UBE2L3: variants seen among roughly 807,000 people sequenced by gnomAD.
The protein encoded by UBE2L3 is ubiquitin-conjugating enzyme E2 L3.
In UBE2L3, 1 loss-of-function variant was observed where a neutral mutation model predicts 17.8. The observed-to-expected ratio is 0.06, with a 90% CI of 0.02 to 0.27. UBE2L3 has a LOEUF of 0.27. Among genes scored for constraint, UBE2L3 ranks in the 10% least tolerant of loss-of-function variants. The pLI is 1.00. For synonymous variants in UBE2L3, 44 were observed against 68.5 expected (o/e 0.64, Z 1.76); for missense variants, 40 against 192.6 (o/e 0.21, Z 4.69).
chr22:21,613,884 A>G (rs1929634545), intron 3 of UBE2L3, among the ~76,000 whole-genome samples: 1 of 152,218 alleles, frequency 6.6e-6, no homozygotes, highest in South Asian at 2.1e-4. Flanking sequence ...GGACCCCTTC[A>G]TAGCATGGTG....
At chr22:21,572,287 T>C (rs1173011147) in intron 1 of UBE2L3, among the ~76,000 whole-genome samples, 2 of 151,744 alleles carry the variant, frequency 1.3e-5, no homozygotes, top group East Asian at 1.9e-4. Context: ...TCCAAAAAAT[T>C]AGCTGGGCGT....
At chr22:21,557,015 T>C (rs4820077) in intron 1 of UBE2L3, among the ~76,000 whole-genome samples, 1 of 152,246 alleles carries the variant, frequency 6.6e-6, no homozygotes, top group Middle Eastern at 3.4e-3. Context: ...GATCACGCCA[T>C]TGCACTCCAG....
At chr22:21,573,992 G>T (rs776078362) in intron 1 of UBE2L3, among the ~76,000 whole-genome samples, 2 of 152,186 alleles carry the variant, frequency 1.3e-5, no homozygotes, top group African/African-American at 4.8e-5. Flanking sequence ...TTAAGGACAG[G>T]TGGCAGAGAT....
chr22:21,583,883 T>G (rs909759481), intron 1 of UBE2L3, among the ~76,000 whole-genome samples: 2 of 152,226 alleles, frequency 1.3e-5, no homozygotes, highest in Admixed American at 1.3e-4. Context: ...TTTTAATTTT[T>G]TTTTTCTTCT....
intron 1 of UBE2L3, among the ~76,000 whole-genome samples, chr22:21,560,428 T>C (rs1215887502): frequency 1.3e-5 from 2 of 151,928 alleles, no homozygotes; most frequent in African/African-American, 4.9e-5. Context: ...CATCTCCATT[T>C]CTCTTCCCTT....
intron 3 of UBE2L3, chr22:21,614,748 G>C: frequency 1.1e-6 from 1 of 880,702 alleles, no homozygotes; most frequent in South Asian, 1.5e-5. Flanking sequence ...CTACCCAAGA[G>C]AAATGAAAAC....
intron 2 of UBE2L3, among the ~76,000 whole-genome samples, chr22:21,601,620 C>G (rs1297795332): frequency 1.3e-5 from 2 of 151,828 alleles, no homozygotes; most frequent in East Asian, 3.9e-4. Context: ...TGGCCTAACT[C>G]AGCTCTTGAC....
At chr22:21,581,650 A>G (rs1466287180) in intron 1 of UBE2L3, among the ~76,000 whole-genome samples, 1 of 151,976 alleles carries the variant, frequency 6.6e-6, no homozygotes, top group African/African-American at 2.4e-5. Context: ...TGAAAATACA[A>G]AATTAGCCGG....
At chr22:21,561,271 G>A (rs1445084770) in intron 1 of UBE2L3, among the ~76,000 whole-genome samples, 5 of 152,306 alleles carry the variant, frequency 3.3e-5, no homozygotes, top group African/African-American at 1.2e-4. Flanking sequence ...GCTGGGTGCT[G>A]CCTTTGCACT....
At chr22:21,567,256 C>T (rs962848818), upstream of UBE2L3, among the ~76,000 whole-genome samples, 1 of 152,056 alleles carries the variant, frequency 6.6e-6, no homozygotes, top group African/African-American at 2.4e-5. Context: ...CTCTGCCTCC[C>T]GGGTTCAAGC....
chr22:21,575,277 A>AAT (rs781743627), intron 1 of UBE2L3, among the ~76,000 whole-genome samples: 11 of 145,024 alleles, frequency 7.6e-5, no homozygotes, highest in South Asian at 2.2e-4. Flanking sequence ...AAAAAAAAAA[A>AAT]GAAAAGGAAA....
intron 1 of UBE2L3, among the ~76,000 whole-genome samples, chr22:21,555,881 G>A (rs1431273782): frequency 2.6e-5 from 4 of 152,280 alleles, no homozygotes; most frequent in African/African-American, 4.8e-5. Context: ...ACAGTGGGCT[G>A]AGATCGTGCC....
intron 3 of UBE2L3, among the ~76,000 whole-genome samples, chr22:21,619,593 G>A (rs939159029): frequency 3.9e-5 from 6 of 152,252 alleles, no homozygotes; most frequent in African/African-American, 1.4e-4. Context: ...GTGGGTTTTG[G>A]ACACCAGGCC....
chr22:21,603,125 C>CT (rs1291592310), intron 2 of UBE2L3, among the ~76,000 whole-genome samples: 1 of 152,120 alleles, frequency 6.6e-6, no homozygotes, highest in Non-Finnish European at 1.5e-5. Flanking sequence ...ATGATCAACT[C>CT]TTATTTACAT....
At position 21,599,987 on chromosome 22, in the gene UBE2L3, T is replaced by C. The variant is rs1336181364; in HGVS notation, c.123+7031T>C. ...TTCAGAAGGTAGTTTATGAACATTA[T>C]GAAATGAAAGATTGGAAAACCAGTT... On this transcript the variant is annotated intron_variant, in intron 2 of 3. Transcript: ENST00000342192. 3.3e-5 allele frequency among the ~76,000 whole-genome samples: 5 copies of C among 152,206 alleles called. No homozygotes were observed. In the East Asian group the frequency reaches 9.6e-4, roughly 29 times the overall value.
At chr22:21,615,310 C>T (rs1237309988) in intron 3 of UBE2L3, among the ~76,000 whole-genome samples, 1 of 152,068 alleles carries the variant, frequency 6.6e-6, no homozygotes, top group Non-Finnish European at 1.5e-5. Context: ...AGTCCCAGCA[C>T]TTTGGGAGGC....
At chr22:21,558,912 C>A (rs1335255990) in intron 1 of UBE2L3, among the ~76,000 whole-genome samples, 1 of 151,910 alleles carries the variant, frequency 6.6e-6, no homozygotes, top group African/African-American at 2.4e-5. Context: ...AAGACAGAGG[C>A]AGACAGGCCA....
At chr22:21,582,349 T>C (rs1927688144) in intron 1 of UBE2L3, among the ~76,000 whole-genome samples, 1 of 151,198 alleles carries the variant, frequency 6.6e-6, no homozygotes, top group Non-Finnish European at 1.5e-5. Flanking sequence ...GTGGGTTTTT[T>C]TTTGTTGTTG....
At chr22:21,611,142 T>C in intron 3 of UBE2L3, 99 bp downstream of exon 3, 1 of 1,355,786 alleles carries the variant, frequency 7.4e-7, no homozygotes, top group Admixed American at 2.9e-5. Flanking sequence ...CCAGAGAATC[T>C]TTCAGGTACA....
Sources: allele counts gnomAD v4.1 joint callset (sites outside exome capture counted in the v4.1 genomes callset), GRCh38; gene constraint gnomAD v4.1.1; transcripts MANE v1.5; gene names NCBI Gene and HGNC (gene_info 2026-07-23, HGNC 2026-07-21).